Variants in YEATS4 observed in about 807,000 individuals in gnomAD.
YEATS4 encodes YEATS domain-containing protein 4.
A neutral mutation model predicts 30.1 loss-of-function variants in YEATS4; 17 were observed. The ratio of observed to expected loss-of-function variants is 0.56; its 90% CI spans 0.39 to 0.85. The LOEUF is 0.85. YEATS4 is among the 40% of genes least tolerant of loss of function. The pLI is 0.00. For synonymous variants in YEATS4, 85 were observed against 87.5 expected (o/e 0.97, Z 0.16); for missense variants, 142 against 268.3 (o/e 0.53, Z 3.29).
chr12:69,366,335 C>CT (rs1041317259), intron 4 of YEATS4, among the ~76,000 whole-genome samples: 1 of 151,832 alleles, frequency 6.6e-6, no homozygotes, highest in African/African-American at 2.4e-5. Flanking sequence ...TAGCCACTGG[C>CT]TTTTTCATCT....
At chr12:69,406,547 A>G in the YEATS4 span, among the ~76,000 whole-genome samples, 1 of 151,896 alleles carries the variant, frequency 6.6e-6, no homozygotes, top group African/African-American at 2.4e-5. Context: ...CAGGCTGGAT[A>G]TTTTATTGTT....
chr12:69,367,188 G>A (rs376232983), intron 4 of YEATS4, among the ~76,000 whole-genome samples: 4 of 152,170 alleles, frequency 2.6e-5, no homozygotes, highest in African/African-American at 9.6e-5. Flanking sequence ...GCTGTACTTC[G>A]TTACGCTTCC....
intron 2 of YEATS4, among the ~76,000 whole-genome samples, chr12:69,365,157 AAAG>A (rs1440307637): frequency 6.6e-6 from 1 of 152,102 alleles, no homozygotes; most frequent in East Asian, 1.9e-4. Flanking sequence ...TTTTTTAAAA[AAAG>A]CAAAATAGGC....
At chr12:69,425,533 G>A in the YEATS4 span, among the ~76,000 whole-genome samples, 1 of 152,196 alleles carries the variant, frequency 6.6e-6, no homozygotes, top group Middle Eastern at 3.2e-3. Flanking sequence ...CACACAGTGA[G>A]AGCTGTAGCA....
At chr12:69,421,908 A>C in the YEATS4 span, among the ~76,000 whole-genome samples, 8 of 152,184 alleles carry the variant, frequency 5.3e-5, no homozygotes, top group Admixed American at 1.3e-4. Flanking sequence ...GTTGAGTAGA[A>C]CACCCCTATA....
the YEATS4 span, among the ~76,000 whole-genome samples, chr12:69,405,079 C>G: frequency 1.3e-5 from 2 of 152,234 alleles, no homozygotes; most frequent in Non-Finnish European, 2.9e-5. Flanking sequence ...CACCACCTGC[C>G]TGTGTCAAAG....
intron 6 of YEATS4, 103 bp downstream of exon 6, chr12:69,371,078 A>T: frequency 8.9e-7 from 1 of 1,123,336 alleles, no homozygotes; most frequent in South Asian, 1.7e-5. Context: ...GAAATAGGTA[A>T]GTTTTTTAGG....
chr12:69,371,466 A>T (rs543287872), intron 6 of YEATS4, among the ~76,000 whole-genome samples: 43 of 152,206 alleles, frequency 2.8e-4, no homozygotes, highest in Non-Finnish European at 5.3e-4. Context: ...TTTTCTCTCT[A>T]AGCTGACATG....
At position 69,363,085 on chromosome 12, in the gene YEATS4, C is replaced by T. The variant is rs538941087; in HGVS notation, c.171+178C>T. 807 of 386,140 alleles carry T rather than the reference C, an allele frequency of 2.1e-3. 2 individuals carry two copies. The highest frequency in any genetic ancestry group is 2.5e-3 in the Non-Finnish European group (626 of 253,144). 23.9% of individuals were successfully genotyped at this position (386,140 alleles called of 1,614,324 possible). A position where few individuals can be genotyped will look rare whatever the true frequency, so the allele number is the denominator to read the frequency against. On this transcript the variant is annotated intron_variant, in intron 2 of 6. Transcript: ENST00000247843. ...TCAGCTCACTGCAAGCTCCGCCTCC[C>T]GGGTTCACGCCATTCTCCTGCCTCA...
intron 1 of YEATS4, 57 bp downstream of exon 1, chr12:69,360,080 G>C: frequency 1.9e-6 from 3 of 1,587,030 alleles, no homozygotes; most frequent in Non-Finnish European, 2.6e-6. Context: ...GTTCCTCCCT[G>C]CGCGGCGCGG....
At chr12:69,407,702 C>CTTTTTTTTTTTT in the YEATS4 span, among the ~76,000 whole-genome samples, 1 of 62,620 alleles carries the variant, frequency 1.6e-5, no homozygotes, top group Non-Finnish European at 2.7e-5. Context: ...TACTTTTTGT[C>CTTTTTTTTTTTT]TTTTTTTTTT....
At chr12:69,399,398 A>T in the YEATS4 span, among the ~76,000 whole-genome samples, 5 of 152,214 alleles carry the variant, frequency 3.3e-5, no homozygotes, top group Admixed American at 6.5e-5. Context: ...ATAAGCATAT[A>T]AAAAGATGCT....
the YEATS4 span, among the ~76,000 whole-genome samples, chr12:69,426,389 G>T: frequency 2.0e-5 from 3 of 152,000 alleles, no homozygotes; most frequent in African/African-American, 7.3e-5. Context: ...TTTTTCTTTT[G>T]AGATGGAGTC....
the YEATS4 span, among the ~76,000 whole-genome samples, chr12:69,415,268 C>T: frequency 6.6e-6 from 1 of 152,280 alleles, no homozygotes; most frequent in East Asian, 1.9e-4. Flanking sequence ...TCCAAACCAA[C>T]ATTTAGTGTC....
At chr12:69,385,293 G>GAGTAT (rs386376903) in intron 6 of YEATS4, among the ~76,000 whole-genome samples, 3 of 151,774 alleles carry the variant, frequency 2.0e-5, no homozygotes, top group Non-Finnish European at 4.4e-5. Flanking sequence ...TACCGATTAA[G>GAGTAT]AGTAAACTTT....
At chr12:69,397,083 C>T in the YEATS4 span, among the ~76,000 whole-genome samples, 2 of 152,162 alleles carry the variant, frequency 1.3e-5, no homozygotes, top group East Asian at 3.8e-4. Context: ...CTGCTAAAAT[C>T]CTTGACAAAA....
chr12:69,366,214 GT>G (rs1875423766), intron 4 of YEATS4, among the ~76,000 whole-genome samples: 1 of 152,092 alleles, frequency 6.6e-6, no homozygotes, highest in African/African-American at 2.4e-5. Context: ...GTGTAAAATA[GT>G]TTTTATAGTT....
chr12:69,392,765 C>A (rs1868325653), downstream of YEATS4, among the ~76,000 whole-genome samples: 3 of 152,206 alleles, frequency 2.0e-5, no homozygotes, highest in Admixed American at 2.0e-4. Flanking sequence ...CCAGCAGTTA[C>A]TCAGATGAGT....
chr12:69,388,363 A>G (rs1868278138), intron 6 of YEATS4, among the ~76,000 whole-genome samples: 1 of 152,232 alleles, frequency 6.6e-6, no homozygotes. Flanking sequence ...TGTATCGTAC[A>G]AAGAGATTGA....
Sources: allele counts gnomAD v4.1 joint callset (sites outside exome capture counted in the v4.1 genomes callset), GRCh38; gene constraint gnomAD v4.1.1; transcripts MANE v1.5; gene names NCBI Gene and HGNC (gene_info 2026-07-23, HGNC 2026-07-21).